The following TMOD2 variants were observed in gnomAD, a reference collection of about 807,000 sequenced individuals.
TMOD2 encodes tropomodulin 2.
A neutral mutation model predicts 39.9 loss-of-function variants in TMOD2; 22 were observed. That is an observed-to-expected ratio of 0.55 (90% CI 0.39 to 0.79). The LOEUF is 0.79. Among genes scored for constraint, TMOD2 ranks in the 30% least tolerant of loss-of-function variants. TMOD2 has a pLI of 0.00. For missense variants in TMOD2, 386 were observed against 413.3 expected (o/e 0.93, Z 0.57); for synonymous variants, 123 against 146.1 (o/e 0.84, Z 1.14).
intron 3 of TMOD2, among the ~76,000 whole-genome samples, chr15:51,769,947 C>T (rs1309461035): frequency 6.6e-6 from 1 of 152,084 alleles, no homozygotes; most frequent in Non-Finnish European, 1.5e-5. Flanking sequence ...GGGAGGATTG[C>T]TTGAACCCAG....
chr15:51,771,554 C>G (rs193115795), intron 3 of TMOD2, among the ~76,000 whole-genome samples: 2 of 152,200 alleles, frequency 1.3e-5, no homozygotes, highest in African/African-American at 2.4e-5. Context: ...AATCCCAGCA[C>G]TTTGGGAGGC....
At chr15:51,804,031 T>A (rs2056106510) in intron 8 of TMOD2, among the ~76,000 whole-genome samples, 1 of 152,150 alleles carries the variant, frequency 6.6e-6, no homozygotes, top group South Asian at 2.1e-4. Flanking sequence ...AAAGCTGTCA[T>A]AACCTTTGAC....
At chr15:51,764,064 A>G (rs1287544062) in intron 1 of TMOD2, among the ~76,000 whole-genome samples, 2 of 146,206 alleles carry the variant, frequency 1.4e-5, no homozygotes, top group East Asian at 4.0e-4. Flanking sequence ...TTTATTTACT[A>G]GAATATAGTC....
At chr15:51,801,935 T>TATATA (rs745790903) in intron 8 of TMOD2, among the ~76,000 whole-genome samples, 4 of 113,138 alleles carry the variant, frequency 3.5e-5, no homozygotes, top group East Asian at 5.0e-4. Flanking sequence ...TTAAAATATA[T>TATATA]ATATAATATA....
intron 1 of TMOD2, among the ~76,000 whole-genome samples, chr15:51,755,578 C>T (rs2055736362): frequency 6.6e-6 from 1 of 152,104 alleles, no homozygotes; most frequent in Admixed American, 6.6e-5. Flanking sequence ...AAGAAAGGAC[C>T]AGGAGGTCCC....
chr15:51,773,290 A>G (rs2055865377), intron 3 of TMOD2, among the ~76,000 whole-genome samples: 1 of 152,188 alleles, frequency 6.6e-6, no homozygotes, highest in South Asian at 2.1e-4. Context: ...AGTGGCCTAT[A>G]TGCTGGATGG....
At chr15:51,776,781 C>G (rs548354621) in intron 4 of TMOD2, 151 bp from the exon 5 acceptor site, 1 of 589,346 alleles carries the variant, frequency 1.7e-6, no homozygotes, top group African/African-American at 1.9e-5. Context: ...GTGTATTTAA[C>G]GCTATACATG....
chr15:51,768,703 T>C (rs188543321), intron 3 of TMOD2, among the ~76,000 whole-genome samples: 1,727 of 149,740 alleles, frequency 0.012, 46 homozygotes, highest in African/African-American at 0.041. Flanking sequence ...GGGAACTGTC[T>C]GGGAAATGGG....
At chr15:51,808,200 G>A (rs371006667) in intron 9 of TMOD2, among the ~76,000 whole-genome samples, 6 of 152,076 alleles carry the variant, frequency 3.9e-5, no homozygotes, top group East Asian at 3.9e-4. Flanking sequence ...TCTAACACTC[G>A]AGTACCCAAC....
intron 1 of TMOD2, among the ~76,000 whole-genome samples, chr15:51,762,006 G>C (rs1219509314): frequency 6.6e-6 from 1 of 151,760 alleles, no homozygotes; most frequent in African/African-American, 2.4e-5. Flanking sequence ...AAAATTATCC[G>C]GGCGTGGTGG....
At position 51,782,746 on chromosome 15, in the gene TMOD2, A is replaced by T. The variant is rs1301304529; in HGVS notation, c.650A>T (p.Glu217Val). The T allele has an allele frequency of 6.2e-7, 1 of 1,614,008 alleles. No homozygotes were observed. The highest frequency in any genetic ancestry group is 2.2e-5 in the East Asian group (1 of 44,884). The change falls in exon 7 of 10, where the codon GAA (glutamate) becomes GTA (valine). Residue 217 changes from glutamate (E) to valine (V), a missense_variant. Physicochemically the swap from Glu to Val is moderately radical, Grantham distance 121 (BLOSUM62 -2). Transcript: ENST00000249700. ...AACATTCCAATTCCAACCCTGAGGG[A>T]ATTTGCAAAGGCTCTGGAGACCAAC... is the stretch of plus-strand genomic sequence containing the variant. ...IKNIPIPTLR[E>V]FAKALETNTH...
At chr15:51,798,791 A>T (rs1318783471) in intron 8 of TMOD2, among the ~76,000 whole-genome samples, 1 of 152,222 alleles carries the variant, frequency 6.6e-6, no homozygotes, top group African/African-American at 2.4e-5. Flanking sequence ...TTGGCTGAAG[A>T]CTTCTAGAAC....
chr15:51,761,190 A>G (rs964326169), intron 1 of TMOD2, among the ~76,000 whole-genome samples: 4 of 152,202 alleles, frequency 2.6e-5, no homozygotes, highest in Non-Finnish European at 5.9e-5. Context: ...AGATGCAATC[A>G]GAGTAGTGCA....
chr15:51,777,192 C>T (rs893336473), intron 5 of TMOD2, among the ~76,000 whole-genome samples, 174 bp downstream of exon 5: 6 of 152,066 alleles, frequency 3.9e-5, no homozygotes, highest in East Asian at 1.9e-4. Context: ...CTCCATCTGG[C>T]GGTGAAACTA....
chr15:51,766,824 C>A (rs2055819412), intron 2 of TMOD2: 1 of 279,214 alleles, frequency 3.6e-6, no homozygotes, highest in Non-Finnish European at 6.7e-6. Flanking sequence ...TGAGAAAGGA[C>A]TAGTCTTGTT....
At chr15:51,777,348 A>G (rs2055896553) in intron 5 of TMOD2, among the ~76,000 whole-genome samples, 1 of 152,230 alleles carries the variant, frequency 6.6e-6, no homozygotes, top group African/African-American at 2.4e-5. Context: ...CTTGGTCATC[A>G]CAAAATGCAG....
chr15:51,765,919 C>T (rs1322014790), intron 1 of TMOD2, among the ~76,000 whole-genome samples: 1 of 152,210 alleles, frequency 6.6e-6, no homozygotes. Context: ...CACTCTCTCC[C>T]TGAAAAGACA....
chr15:51,780,153 A>G (rs1278762785), intron 5 of TMOD2, among the ~76,000 whole-genome samples: 1 of 152,178 alleles, frequency 6.6e-6, no homozygotes, highest in African/African-American at 2.4e-5. Flanking sequence ...TATCTGTGCT[A>G]TTTTTGTAGG....
Position 51,814,455 on chromosome 15 carries a change from G to A in TMOD2, c.*6001G>A, listed in dbSNP as rs1481523788. Reference sequence around the variant, plus strand: ...AAGGTTTTGAAGCATGGCCTCCAATGACTTTCATAAGCCCTTGGAGGCAGG... The same window carrying A: ...AAGGTTTTGAAGCATGGCCTCCAATAACTTTCATAAGCCCTTGGAGGCAGG... On this transcript the variant is annotated 3_prime_UTR_variant, in exon 10 of 10. Transcript: ENST00000249700. 1.3e-5 allele frequency: 2 copies of A among 152,222 alleles called. No homozygotes were observed. The highest frequency in any genetic ancestry group is 2.9e-5 in the Non-Finnish European group (2 of 68,050). The allele number at this position is 152,222 out of a possible 1,614,324, so 9.4% of individuals were successfully genotyped here.
Sources: allele counts gnomAD v4.1 joint callset (sites outside exome capture counted in the v4.1 genomes callset), GRCh38; gene constraint gnomAD v4.1.1; transcripts MANE v1.5; gene names NCBI Gene and HGNC (gene_info 2026-07-23, HGNC 2026-07-21).